EYS: variants seen among roughly 807,000 people sequenced by gnomAD.
EYS encodes the protein protein eyes shut homolog.
Under a neutral mutation model 282.1 loss-of-function variants are expected in EYS, and 250 were observed. That is an observed-to-expected ratio of 0.89 (90% CI 0.80 to 0.98). EYS has a LOEUF of 0.98. EYS is among the 50% of genes least tolerant of loss of function. EYS has a pLI of 0.00. For missense variants in EYS, 4,016 were observed against 3,709.0 expected (o/e 1.08, Z -2.15); for synonymous variants, 1,355 against 1,282.9 (o/e 1.06, Z -1.20).
intron 26 of EYS, among the ~76,000 whole-genome samples, chr6:64,512,312 AAG>A (rs150197461): frequency 0.022 from 3,277 of 152,184 alleles, 58 homozygotes; most frequent in African/African-American, 0.053. Context: ...ATCATGTTGA[AAG>A]AGACAGGAGG....
At chr6:65,636,991 A>G (rs1167123656) in intron 2 of EYS, among the ~76,000 whole-genome samples, 1 of 151,984 alleles carries the variant, frequency 6.6e-6, no homozygotes, top group South Asian at 2.1e-4. Flanking sequence ...TGTTTTTTTA[A>G]AAAATTTTGT....
chr6:64,830,415 A>G (rs1041228213), intron 19 of EYS, among the ~76,000 whole-genome samples: 1 of 151,994 alleles, frequency 6.6e-6, no homozygotes, highest in Non-Finnish European at 1.5e-5. Flanking sequence ...AAAATATGTG[A>G]CATTAAGGTG....
chr6:63,962,201 A>G (rs2149776084), intron 35 of EYS, among the ~76,000 whole-genome samples: 1 of 152,362 alleles, frequency 6.6e-6, no homozygotes, highest in East Asian at 1.9e-4. Flanking sequence ...AGGCATGGGC[A>G]AGGACTTCAT....
At chr6:64,414,253 G>C (rs1038841055) in intron 28 of EYS, among the ~76,000 whole-genome samples, 1 of 152,102 alleles carries the variant, frequency 6.6e-6, no homozygotes, top group East Asian at 1.9e-4. Context: ...AAAGTTATTA[G>C]ATATTTCATA....
At chr6:65,104,889 T>C (rs951609307) in intron 12 of EYS, among the ~76,000 whole-genome samples, 2 of 151,634 alleles carry the variant, frequency 1.3e-5, no homozygotes, top group East Asian at 3.9e-4. Flanking sequence ...AAAACACAAA[T>C]ATTTAGCTTT....
At chr6:64,439,057 AAT>A (rs574663094) in intron 27 of EYS, 103 bp downstream of exon 27, 108 of 582,064 alleles carry the variant, frequency 1.9e-4, no homozygotes, top group African/African-American at 9.4e-4. Flanking sequence ...TGGTGAGTAT[AAT>A]ATATAGAGTT....
At chr6:63,881,119 T>C (rs560556546) in intron 35 of EYS, among the ~76,000 whole-genome samples, 2 of 152,312 alleles carry the variant, frequency 1.3e-5, no homozygotes, top group Non-Finnish European at 2.9e-5. Flanking sequence ...TTTCAATTAG[T>C]TTATTTCCCC....
chr6:64,875,358 T>G (rs960629085), intron 19 of EYS, among the ~76,000 whole-genome samples: 1 of 152,104 alleles, frequency 6.6e-6, no homozygotes, highest in African/African-American at 2.4e-5. Context: ...CTTTTGTGAT[T>G]ACATATGGCA....
At chr6:63,872,293 G>C (rs774289614) in intron 35 of EYS, among the ~76,000 whole-genome samples, 1 of 151,754 alleles carries the variant, frequency 6.6e-6, no homozygotes, top group South Asian at 2.1e-4. Flanking sequence ...ACTCTCCATC[G>C]TGCTCTGCAT....
rs1366002509 is a variant in EYS, at chr6:63,721,128, A to G, written c.8903T>C (p.Ile2968Thr). Residue 2968 changes from isoleucine (I) to threonine (T), a missense_variant, in exon 43 of 43, where the codon ATT becomes ACT. Physicochemically the swap from Ile to Thr is moderately conservative, Grantham distance 89. Coordinates refer to ENST00000503581, the MANE Select transcript of EYS (RefSeq NM_001142800.2). The part of the protein sequence containing the change: ...KFMGNSYIKY[I>T]DPNYRMRNLQ... The stretch of plus-strand genomic sequence containing the variant: ...GTTTCTCATTCTATAATTTGGATCA[A>G]TGTATTTAATGTAAGAATTACCCAT... 3 of 1,551,434 alleles carry G rather than the reference A, an allele frequency of 1.9e-6. No individual in the cohort carries two copies. Among genetic ancestry groups the G allele is most frequent in the East Asian group, 2.4e-5 (1 of 40,920 alleles).
At chr6:64,692,783 G>A (rs964023937) in intron 22 of EYS, among the ~76,000 whole-genome samples, 47 of 151,828 alleles carry the variant, frequency 3.1e-4, no homozygotes, top group African/African-American at 4.4e-4. Flanking sequence ...CTACCTCATC[G>A]AAGATCAGAT....
intron 26 of EYS, among the ~76,000 whole-genome samples, chr6:64,527,060 C>T (rs544877291): frequency 1.3e-5 from 2 of 151,754 alleles, no homozygotes; most frequent in South Asian, 4.2e-4. Context: ...ATTCTTAAAA[C>T]ATTTCTTTCT....
chr6:64,859,680 T>A (rs1163508412), intron 19 of EYS, among the ~76,000 whole-genome samples: 4 of 152,208 alleles, frequency 2.6e-5, no homozygotes, highest in Non-Finnish European at 4.4e-5. Context: ...AGATGTGCCT[T>A]TCACTTTCCC....
Position 64,230,667 on chromosome 6 carries a change from T to C in EYS, c.6349A>G (p.Ile2117Val). 1 of 1,551,584 alleles carries C rather than the reference T, an allele frequency of 6.4e-7. No homozygotes were observed. The highest frequency in any genetic ancestry group is 1.2e-5 in the South Asian group (1 of 84,058). The change falls in exon 31 of 43, where the codon ATC becomes GTC. Residue 2117 changes from isoleucine (I) to valine (V), a missense_variant. Physicochemically the swap from Ile to Val is conservative, Grantham distance 29 (BLOSUM62 3). Transcript: ENST00000503581. Reference protein sequence around the residue: ...VCHNGGTCHAIFLSSGIVSFQ... With the variant: ...VCHNGGTCHAVFLSSGIVSFQ... ...GACACTATGCCACTGGAGAGGAAGA[T>C]GGCATGGCATGTGCCTCCATTGTGG... is the stretch of plus-strand genomic sequence containing the variant.
chr6:65,524,610 T>C (rs936179021), intron 2 of EYS, among the ~76,000 whole-genome samples: 1 of 152,190 alleles, frequency 6.6e-6, no homozygotes, highest in African/African-American at 2.4e-5. Flanking sequence ...TTACTTCAGG[T>C]TGATGGGAAG....
At chr6:64,155,481 T>A (rs1018985220) in intron 31 of EYS, among the ~76,000 whole-genome samples, 2 of 151,384 alleles carry the variant, frequency 1.3e-5, no homozygotes, top group African/African-American at 4.9e-5. Flanking sequence ...CCCAGCTCTG[T>A]TTTCAAGCAA....
At chr6:64,587,165 C>T (rs145536059) in intron 26 of EYS, among the ~76,000 whole-genome samples, 29 of 152,116 alleles carry the variant, frequency 1.9e-4, no homozygotes, top group Non-Finnish European at 3.7e-4. Context: ...CTTTGTTAAT[C>T]GCAAGAGGTT....
rs542171199 is a variant in EYS, at chr6:65,305,221, G to A, written c.1767-9102C>T. Reference sequence around the variant, plus strand: ...GTCATACCCTTCTCTCCACAAAAAAGAGACTGAGAGGGAGATCAAGTGAAA... The same window carrying A: ...GTCATACCCTTCTCTCCACAAAAAAAAGACTGAGAGGGAGATCAAGTGAAA... On this transcript the variant is annotated intron_variant, in intron 11 of 42. Coordinates refer to ENST00000503581, the MANE Select transcript of EYS (RefSeq NM_001142800.2). 5.5e-4 allele frequency among the ~76,000 whole-genome samples: 84 copies of A among 152,138 alleles called. 2 individuals are homozygous for A. The highest frequency in any genetic ancestry group is 2.0e-3 in the African/African-American group (82 of 41,476).
intron 18 of EYS, among the ~76,000 whole-genome samples, chr6:64,898,124 G>A (rs9453102): frequency 1.2e-4 from 19 of 152,064 alleles, no homozygotes; most frequent in African/African-American, 3.1e-4. Context: ...GATACTCCTC[G>A]AGAAAAGCAA....
Sources: gnomAD v4.1 joint callset for allele counts (sites outside exome capture counted in the v4.1 genomes callset) on GRCh38, gnomAD v4.1.1 for gene constraint, MANE v1.5 for transcripts, NCBI Gene and HGNC (gene_info 2026-07-23, HGNC 2026-07-21) for gene names.